VWC2: variants seen among roughly 807,000 people sequenced by gnomAD.
VWC2 encodes the protein brorin.
Under a neutral mutation model 29.8 loss-of-function variants are expected in VWC2, and 14 were observed. That is an observed-to-expected ratio of 0.47 (90% confidence interval 0.31 to 0.74). The LOEUF (loss-of-function observed/expected upper bound fraction) is 0.74. VWC2 is among the 30% of genes least tolerant of loss of function. The pLI is 0.05. For synonymous variants in VWC2, 213 were observed against 199.0 expected, an observed-to-expected ratio of 1.07 and a Z score of -0.59; for missense variants, 457 against 459.8, an observed-to-expected ratio of 0.99 and a Z score of 0.05.
At position 49,789,204 on chromosome 7, in the gene VWC2, G is replaced by T. The variant is rs113086112; in HGVS notation, c.696+13073G>T. 3.3e-4 allele frequency among the ~76,000 whole-genome samples: 49 copies of T among 147,062 alleles called. 1 individual carries two copies. The highest frequency in any genetic ancestry group is 2.5e-3 in the East Asian group (12 of 4,896). On this transcript the variant is annotated intron_variant, in intron 2 of 3. Coordinates refer to ENST00000340652, the MANE Select transcript of VWC2 (RefSeq NM_198570.5). The stretch of plus-strand genomic sequence containing the variant: ...GTGTGTGGGTGCATGTGTGAGTGTG[G>T]GTGTGTGTGTGTGAGTGTGGGAGAG...
chr7:49,806,804 G>A (rs1562713028), intron 3 of VWC2, among the ~76,000 whole-genome samples: 1 of 151,964 alleles, frequency 6.6e-6, no homozygotes, highest in Non-Finnish European at 1.5e-5. Context: ...CTGCTCCTAT[G>A]TGGTCTCACC....
chr7:49,892,202 G>A (rs912578580), intron 3 of VWC2, among the ~76,000 whole-genome samples: 5 of 151,204 alleles, frequency 3.3e-5, no homozygotes, highest in South Asian at 2.1e-4. Context: ...CCACCATCAC[G>A]CCCGGCTAAT....
At chr7:49,813,955 G>A (rs1426785345) in intron 3 of VWC2, among the ~76,000 whole-genome samples, 3 of 152,036 alleles carry the variant, frequency 2.0e-5, no homozygotes, top group Non-Finnish European at 4.4e-5. Flanking sequence ...GAAATGACTC[G>A]CTGGTGAATT....
intron 3 of VWC2, among the ~76,000 whole-genome samples, chr7:49,855,811 G>A (rs1446693252): frequency 6.6e-6 from 1 of 152,204 alleles, no homozygotes. Context: ...CCAGGGGCCG[G>A]TGGCTGACGG....
chr7:49,904,566 G>A (rs1184029150), intron 3 of VWC2, among the ~76,000 whole-genome samples: 6 of 152,052 alleles, frequency 3.9e-5, no homozygotes. Context: ...AAAAATTTCA[G>A]TAATTAAAAT....
downstream of VWC2, among the ~76,000 whole-genome samples, chr7:49,922,199 C>T (rs1794046898): frequency 6.6e-6 from 1 of 151,968 alleles, no homozygotes; most frequent in South Asian, 2.1e-4. Flanking sequence ...TAATATCCCA[C>T]GGAATTGACT....
At chr7:49,823,638 G>A (rs1407632282) in intron 3 of VWC2, among the ~76,000 whole-genome samples, 1 of 152,174 alleles carries the variant, frequency 6.6e-6, no homozygotes, top group Non-Finnish European at 1.5e-5. Context: ...TTAGTGCCTA[G>A]TAAGGGAAGT....
chr7:49,804,384 C>T (rs1238720877), intron 3 of VWC2, among the ~76,000 whole-genome samples: 1 of 152,058 alleles, frequency 6.6e-6, no homozygotes, highest in African/African-American at 2.4e-5. Flanking sequence ...CTCTGGTCTG[C>T]TGGGAGAGCT....
intron 2 of VWC2, among the ~76,000 whole-genome samples, chr7:49,798,939 A>T (rs527925501): frequency 5.3e-5 from 8 of 152,342 alleles, no homozygotes; most frequent in African/African-American, 1.9e-4. Context: ...AGAGGAGGCC[A>T]CGTTTGAGCT....
intron 3 of VWC2, among the ~76,000 whole-genome samples, chr7:49,865,069 G>A (rs115461313): frequency 1.3e-5 from 2 of 152,296 alleles, no homozygotes; most frequent in African/African-American, 4.8e-5. Flanking sequence ...GTAAAGAATT[G>A]TAAATGGAAT....
chr7:49,905,578 T>C (rs555914341), intron 3 of VWC2, among the ~76,000 whole-genome samples: 10 of 152,330 alleles, frequency 6.6e-5, no homozygotes, highest in Middle Eastern at 3.4e-3. Context: ...CATTGTACTT[T>C]GTGTGTTTGT....
At chr7:49,826,491 G>A (rs371352195) in intron 3 of VWC2, among the ~76,000 whole-genome samples, 7 of 152,178 alleles carry the variant, frequency 4.6e-5, no homozygotes, top group Admixed American at 3.9e-4. Flanking sequence ...TACAGGTGTG[G>A]TTCTAACTAT....
intron 3 of VWC2, among the ~76,000 whole-genome samples, chr7:49,901,531 T>G (rs1056307462): frequency 3.3e-5 from 5 of 151,674 alleles, no homozygotes; most frequent in African/African-American, 1.2e-4. Context: ...AGGAAAAATA[T>G]AAAATTATGA....
At chr7:49,802,562 CG>C in intron 2 of VWC2, 148 bp from the exon 3 acceptor site, 1 of 1,069,028 alleles carries the variant, frequency 9.4e-7, no homozygotes, top group Non-Finnish European at 1.4e-6. Context: ...CGCTTGAACT[CG>C]GGAAACAGAG....
At chr7:49,804,744 G>T (rs796291018) in intron 3 of VWC2, among the ~76,000 whole-genome samples, 1 of 152,036 alleles carries the variant, frequency 6.6e-6, no homozygotes, top group African/African-American at 2.4e-5. Flanking sequence ...TTGCTAACAC[G>T]TTGCCGTATT....
chr7:49,775,426 G>T lies in VWC2; in HGVS notation c.-10G>T. ...TCCCCGCCCGCCCGCCCGCCGGGAC[G>T]TGGTAGGGGATGCCCAGCTCCACTG... On this transcript the variant is annotated 5_prime_UTR_variant, in exon 2 of 4. Coordinates refer to ENST00000340652, the MANE Select transcript of VWC2 (RefSeq NM_198570.5). The T allele has an allele frequency of 1.0e-6, 1 of 972,800 alleles. No homozygotes were observed. The highest frequency in any genetic ancestry group is 1.3e-6 in the Non-Finnish European group (1 of 750,588). 60.3% of individuals were successfully genotyped at this position (972,800 alleles called of 1,614,324 possible).
At chr7:49,787,556 G>A (rs2128702776) in intron 2 of VWC2, among the ~76,000 whole-genome samples, 1 of 152,282 alleles carries the variant, frequency 6.6e-6, no homozygotes, top group African/African-American at 2.4e-5. Flanking sequence ...GGGAGCCTGG[G>A]ATGTGCAGGG....
chr7:49,819,356 C>T (rs770529500), intron 3 of VWC2, among the ~76,000 whole-genome samples: 5 of 152,202 alleles, frequency 3.3e-5, no homozygotes, highest in Non-Finnish European at 7.3e-5. Context: ...GTGACGCTCA[C>T]AGTCTTGGGT....
intron 3 of VWC2, among the ~76,000 whole-genome samples, chr7:49,880,601 T>A (rs990095511): frequency 6.6e-6 from 1 of 150,994 alleles, no homozygotes; most frequent in African/African-American, 2.5e-5. Flanking sequence ...TTATTTATTT[T>A]TTAATTATAC....
Sources: gnomAD v4.1 joint callset for allele counts (sites outside exome capture counted in the v4.1 genomes callset) on GRCh38, gnomAD v4.1.1 for gene constraint, MANE v1.5 for transcripts, NCBI Gene and HGNC (gene_info 2026-07-23, HGNC 2026-07-21) for gene names.